The following PDE1C variants were observed in gnomAD, a reference collection of about 807,000 sequenced individuals.
PDE1C encodes the protein phosphodiesterase 1C, also known as dual specificity calcium/calmodulin-dependent 3',5'-cyclic nucleotide phosphodiesterase 1C.
Under a neutral mutation model 93.1 loss-of-function variants are expected in PDE1C, and 62 were observed. The observed-to-expected ratio is 0.67, with a 90% CI of 0.54 to 0.82. The LOEUF (loss-of-function observed/expected upper bound fraction) is 0.82, where lower values mean the gene tolerates loss of function less well. PDE1C is among the 40% of genes least tolerant of loss of function. The pLI, the probability that PDE1C is intolerant of heterozygous loss-of-function variation, is 0.00. For missense variants in PDE1C, 742 were observed against 884.6 expected (o/e 0.84, Z 2.04); for synonymous variants, 325 against 310.1 (o/e 1.05, Z -0.50).
At chr7:32,281,536 G>A (rs560527402) in intron 1 of PDE1C, among the ~76,000 whole-genome samples, 1 of 152,196 alleles carries the variant, frequency 6.6e-6, no homozygotes, top group South Asian at 2.1e-4. Context: ...AGTGAGCCAA[G>A]GTGGTACCAC....
the PDE1C span, among the ~76,000 whole-genome samples, chr7:31,709,560 G>A: frequency 6.6e-6 from 1 of 152,122 alleles, no homozygotes; most frequent in Admixed American, 6.5e-5. Flanking sequence ...AAGACTTCAA[G>A]TAGGGGGATC....
intron 8 of PDE1C, among the ~76,000 whole-genome samples, chr7:31,849,888 T>C (rs988329616): frequency 1.3e-5 from 2 of 152,118 alleles, no homozygotes; most frequent in African/African-American, 4.8e-5. Flanking sequence ...GAAATGACAA[T>C]TGACTGGTGC....
intron 2 of PDE1C, among the ~76,000 whole-genome samples, chr7:31,970,129 A>T (rs1810720569): frequency 6.6e-6 from 1 of 152,148 alleles, no homozygotes; most frequent in Admixed American, 6.5e-5. Context: ...GTACCCTAAA[A>T]CTCAAAGTAT....
chr7:32,213,103 A>ACAGCT (rs1806170634), intron 1 of PDE1C, among the ~76,000 whole-genome samples: 1 of 152,208 alleles, frequency 6.6e-6, no homozygotes, highest in Non-Finnish European at 1.5e-5. Context: ...AATGCCACAA[A>ACAGCT]CAGCTTAGTA....
chr7:31,984,482 C>T (rs1012949712), intron 2 of PDE1C, among the ~76,000 whole-genome samples: 9 of 152,110 alleles, frequency 5.9e-5, no homozygotes, highest in Non-Finnish European at 1.0e-4. Flanking sequence ...GCCTCAAAGT[C>T]GCTCCTTGTT....
intron 2 of PDE1C, among the ~76,000 whole-genome samples, chr7:32,027,278 G>T (rs543140729): frequency 1.3e-5 from 2 of 151,978 alleles, no homozygotes; most frequent in African/African-American, 4.8e-5. Context: ...GGGTTATTAT[G>T]GAAAAATATC....
intron 1 of PDE1C, among the ~76,000 whole-genome samples, chr7:32,369,665 T>C (rs1784288786): frequency 6.6e-6 from 1 of 152,188 alleles, no homozygotes; most frequent in Non-Finnish European, 1.5e-5. Context: ...GAAATAAGTA[T>C]ATCAAAGAGA....
At chr7:31,921,870 A>G (rs970893620) in intron 2 of PDE1C, among the ~76,000 whole-genome samples, 3 of 152,220 alleles carry the variant, frequency 2.0e-5, no homozygotes, top group Non-Finnish European at 4.4e-5. Flanking sequence ...TTTGCAGAAC[A>G]TTGATGTTGT....
the PDE1C span, among the ~76,000 whole-genome samples, chr7:31,622,254 C>A: frequency 6.7e-6 from 1 of 149,172 alleles, no homozygotes; most frequent in Non-Finnish European, 1.5e-5. Context: ...ACCAAGCGGA[C>A]CTAATAGGCA....
rs140655610 is a variant in PDE1C at position 31,949,368 on chromosome 7, G to T, written c.129-68508C>A. On this transcript the variant is annotated intron_variant, in intron 2 of 17. Coordinates refer to ENST00000396191, the MANE Select transcript of PDE1C (RefSeq NM_001191057.4). ...CCAGCTGCTCGGGAGGCTGAGGCAG[G>T]AGAATCACTTGAACCTGGGAGGTGA... Among the ~76,000 whole-genome samples, 28 of 152,282 alleles carry T rather than the reference G, an allele frequency of 1.8e-4. 1 individual carries two copies. Among genetic ancestry groups the T allele is most frequent in the Middle Eastern group, 3.4e-3 (1 of 294 alleles).
chr7:32,073,228 AT>A (rs1465788888), upstream of PDE1C, among the ~76,000 whole-genome samples: 2 of 151,966 alleles, frequency 1.3e-5, no homozygotes, highest in Non-Finnish European at 2.9e-5. Flanking sequence ...GAGCAAAAAC[AT>A]TTTTTTTAAG....
At chr7:31,973,925 A>G (rs1811300970) in intron 2 of PDE1C, among the ~76,000 whole-genome samples, 1 of 152,254 alleles carries the variant, frequency 6.6e-6, no homozygotes, top group South Asian at 2.1e-4. Flanking sequence ...GGAATAATCC[A>G]GGATTTAGTT....
At chr7:31,755,174 A>C (rs1282680231) in intron 17 of PDE1C, among the ~76,000 whole-genome samples, 1 of 152,236 alleles carries the variant, frequency 6.6e-6, no homozygotes, top group Non-Finnish European at 1.5e-5. Flanking sequence ...TTACGTAAAC[A>C]GAGGGTGGAT....
At chr7:31,807,276 A>T (rs2128705708) in intron 16 of PDE1C, among the ~76,000 whole-genome samples, 1 of 151,968 alleles carries the variant, frequency 6.6e-6, no homozygotes, top group East Asian at 1.9e-4. Context: ...GACAGACATT[A>T]AAAAATGTCT....
At chr7:32,250,835 C>T (rs1262325409) in intron 1 of PDE1C, among the ~76,000 whole-genome samples, 1 of 152,204 alleles carries the variant, frequency 6.6e-6, no homozygotes, top group African/African-American at 2.4e-5. Flanking sequence ...GGAAATACCT[C>T]AAAGCCTGAT....
rs1272440472 is a variant in PDE1C at position 32,249,907 on chromosome 7, G to A, written c.86-40368C>T. 3.9e-5 allele frequency among the ~76,000 whole-genome samples: 6 copies of A among 152,184 alleles called. No individual in the cohort carries two copies. In the East Asian group the frequency reaches 1.2e-3, roughly 29 times the overall value. ...TTCAATTGTATAGTCCATGCAATAA[G>A]GTAGAGTATCAAATAAAGAATATAA... is the stretch of plus-strand genomic sequence containing the variant. On this transcript the variant is annotated intron_variant, in intron 1 of 18. Transcript: ENST00000396193.
intron 1 of PDE1C, among the ~76,000 whole-genome samples, chr7:32,061,220 A>G (rs888455433): frequency 6.6e-6 from 1 of 152,206 alleles, no homozygotes; most frequent in African/African-American, 2.4e-5. Context: ...TGTCTAAATT[A>G]TTGCTCTTCT....
intron 11 of PDE1C, among the ~76,000 whole-genome samples, chr7:31,836,113 T>C (rs938722007): frequency 5.3e-5 from 8 of 152,322 alleles, no homozygotes; most frequent in Middle Eastern, 6.8e-3. Flanking sequence ...GAATTTATTA[T>C]AATTTAGGTC....
chr7:31,960,721 G>A (rs1333562275), intron 2 of PDE1C, among the ~76,000 whole-genome samples: 1 of 152,026 alleles, frequency 6.6e-6, no homozygotes, highest in Non-Finnish European at 1.5e-5. Flanking sequence ...TTCTACTCTT[G>A]CAATTCTTCA....
Sources: gnomAD v4.1 joint callset for allele counts (sites outside exome capture counted in the v4.1 genomes callset) on GRCh38, gnomAD v4.1.1 for gene constraint, MANE v1.5 for transcripts, NCBI Gene and HGNC (gene_info 2026-07-23, HGNC 2026-07-21) for gene names.